Variants in AP1M1 observed in about 807,000 individuals in gnomAD.
AP1M1 encodes the protein adaptor related protein complex 1 subunit mu 1.
A neutral mutation model predicts 57.1 loss-of-function variants in AP1M1; 18 were observed. The observed-to-expected ratio is 0.32, with a 90% CI of 0.22 to 0.47. The LOEUF (loss-of-function observed/expected upper bound fraction) is 0.47, where lower values mean the gene tolerates loss of function less well. Ranked by LOEUF, AP1M1 falls within the 20% of genes least tolerant of loss-of-function variation. The probability of loss-of-function intolerance (pLI) is 1.00; values close to 1 mark genes in which losing one functional copy is unlikely to be tolerated. For synonymous variants in AP1M1, 241 were observed against 237.9 expected (o/e 1.01, Z -0.12); for missense variants, 362 against 593.5 (o/e 0.61, Z 4.05).
At position 16,218,011 on chromosome 19, in the gene AP1M1, T is replaced by TA. The variant is rs1226195167; in HGVS notation, c.547-8409dup. On this transcript the variant is annotated intron_variant, in intron 5 of 11. Coordinates refer to ENST00000291439, the MANE Select transcript of AP1M1 (RefSeq NM_032493.4). The stretch of plus-strand genomic sequence containing the variant: ...TGCCGTGGCAACACTTGGAAGTTAC[T>TA]ACCCTTTTTCATGGCAATGACCCAA... Among the ~76,000 whole-genome samples the TA allele has an allele frequency of 2.6e-5, 4 of 152,338 alleles. No individual in the cohort carries two copies. In the East Asian group the frequency reaches 7.7e-4, roughly 29 times the overall value.
In AP1M1 at chr19:16,228,341, C is replaced by A; in HGVS notation, c.888+133C>A. 1.1e-6 allele frequency: 1 copy of A among 935,392 alleles called. No homozygotes were observed. The highest frequency in any genetic ancestry group is 1.7e-6 in the Non-Finnish European group (1 of 605,076). The allele number at this position is 935,392 out of a possible 1,614,324, so 57.9% of individuals were successfully genotyped here. On this transcript the variant is annotated intron_variant, in intron 8 of 11. Transcript: ENST00000291439. This position sits in a 1 kb window ranked among gnomAD's most constrained non-coding sequence, Gnocchi z 5.0. ...ACTGTGGCCTCAGATGCAGGAGTGA[C>A]CTGACACTGAGGGGACACCGCCTGG...
At chr19:16,208,935 G>C in intron 4 of AP1M1, 95 bp from the exon 5 acceptor site, 1 of 1,481,316 alleles carries the variant, frequency 6.8e-7, no homozygotes, top group Non-Finnish European at 9.1e-7. Flanking sequence ...AACCTGCCCT[G>C]TACCCCCCAC....
At chr19:16,218,922 G>C (rs929882980) in intron 5 of AP1M1, among the ~76,000 whole-genome samples, 7 of 152,148 alleles carry the variant, frequency 4.6e-5, no homozygotes, top group African/African-American at 1.7e-4. Context: ...TGAGTGGTGA[G>C]AGCTGACATT....
At chr19:16,209,225 G>T in intron 5 of AP1M1, 48 bp downstream of exon 5, 1 of 1,599,502 alleles carries the variant, frequency 6.3e-7, no homozygotes, top group Non-Finnish European at 8.5e-7. Flanking sequence ...TCTCTTCCAC[G>T]ATAGAAATAA....
rs914153321 is a variant in AP1M1, at chr19:16,226,416, C to T, written c.547-5C>T. 17 of 1,530,612 alleles carry T rather than the reference C, an allele frequency of 1.1e-5. No homozygotes were observed. Among genetic ancestry groups the T allele is most frequent in the Non-Finnish European group, 1.5e-5 (17 of 1,135,850 alleles). 94.8% of individuals were successfully genotyped at this position (1,530,612 alleles called of 1,614,324 possible). Reference sequence around the variant, plus strand: ...CTCCCCTCACGCCCACACCGCCACCCCCAGGTCAGCGCCAACGGCAATGTC... The same window carrying T: ...CTCCCCTCACGCCCACACCGCCACCTCCAGGTCAGCGCCAACGGCAATGTC... On this transcript the variant is annotated splice_polypyrimidine_tract_variant and splice_region_variant and intron_variant, in intron 5 of 11. Coordinates refer to ENST00000291439, the MANE Select transcript of AP1M1 (RefSeq NM_032493.4).
chr19:16,226,382 G>A (rs776551598), intron 5 of AP1M1, 39 bp from the exon 6 acceptor site: 5 of 1,508,794 alleles, frequency 3.3e-6, no homozygotes, highest in South Asian at 2.4e-5. Flanking sequence ...TGGCTGGTGA[G>A]TTGGGGACCT....
intron 9 of AP1M1, among the ~76,000 whole-genome samples, chr19:16,233,219 G>T (rs2091606786): frequency 1.3e-5 from 2 of 152,244 alleles, no homozygotes; most frequent in African/African-American, 4.8e-5. Flanking sequence ...GACCACACTG[G>T]CAGGGGCTTG....
chr19:16,215,144 C>T (rs753246298), intron 5 of AP1M1, among the ~76,000 whole-genome samples: 56 of 134,102 alleles, frequency 4.2e-4, no homozygotes, highest in Non-Finnish European at 7.4e-4. Flanking sequence ...AATATATTGG[C>T]CAGGAGTGGT....
intron 5 of AP1M1, among the ~76,000 whole-genome samples, chr19:16,222,202 A>ATTTTTTTTTTTTT (rs1406563931): frequency 1.7e-5 from 1 of 57,626 alleles, no homozygotes; most frequent in Admixed American, 2.0e-4. Flanking sequence ...TATTACTATT[A>ATTTTTTTTTTTTT]TTATTATTAT....
In AP1M1 at chr19:16,207,351, G is replaced by A. The variant is rs150210574; in HGVS notation, c.268-668G>A. 9.2e-5 allele frequency among the ~76,000 whole-genome samples: 14 copies of A among 152,014 alleles called. No individual in the cohort carries two copies. The highest frequency in any genetic ancestry group is 8.3e-4 in the South Asian group (4 of 4,814). On this transcript the variant is annotated intron_variant, in intron 3 of 11. Transcript: ENST00000291439. This position sits in a 1 kb window ranked among gnomAD's most constrained non-coding sequence, Gnocchi z 4.2. The stretch of plus-strand genomic sequence containing the variant: ...GGCCAAGGGCTGCCTTCACTGGACC[G>A]GTGATGCTGTCACAGGCAGGGCTGG...
At position 16,237,330 on chromosome 19, in the gene AP1M1, A is replaced by T. The variant is rs1392696870; in HGVS notation, c.*2895A>T. On this transcript the variant is annotated 3_prime_UTR_variant, in exon 12 of 12. Coordinates refer to ENST00000291439, the MANE Select transcript of AP1M1 (RefSeq NM_032493.4). ...GTGCCTGTAATCCCAGCTACTCAGT[A>T]TGCTGAGGCAGGAGAATGGCTTGAA... 1 of 152,358 alleles carries T rather than the reference A, an allele frequency of 6.6e-6. No individual in the cohort carries two copies. The highest frequency in any genetic ancestry group is 2.4e-5 in the African/African-American group (1 of 41,458). 9.4% of individuals were successfully genotyped at this position (152,358 alleles called of 1,614,324 possible).
In AP1M1 at chr19:16,243,098, G is replaced by GA. The variant is rs1396014356; in HGVS notation, c.*8669dup. The stretch of plus-strand genomic sequence containing the variant: ...TAGACTTTAAAGCAAGAAAGCAAAA[G>GA]AAAAAATGTATTAGATCCCCGAGAA... On this transcript the variant is annotated 3_prime_UTR_variant, in exon 12 of 12. Transcript: ENST00000291439. The GA allele has an allele frequency of 2.6e-5, 4 of 151,854 alleles. No homozygotes were observed. The highest frequency in any genetic ancestry group is 4.4e-5 in the Non-Finnish European group (3 of 67,950). The allele number at this position is 151,854 out of a possible 1,614,324, so 9.4% of individuals were successfully genotyped here. A position where few individuals can be genotyped will look rare whatever the true frequency, so the allele number is the denominator to read the frequency against.
At chr19:16,200,788 C>T (rs556657040) in intron 1 of AP1M1, among the ~76,000 whole-genome samples, 12 of 152,344 alleles carry the variant, frequency 7.9e-5, no homozygotes, top group East Asian at 1.9e-4. Flanking sequence ...TGCTCCCTTC[C>T]GCTTCCAGGA....
rs1014305522 is a variant in AP1M1, at chr19:16,203,697, G to A, written c.199+82G>A. On this transcript the variant is annotated intron_variant, in intron 2 of 11. Transcript: ENST00000291439. This position sits in a 1 kb window ranked among gnomAD's most constrained non-coding sequence, Gnocchi z 4.6. ...GCATATCCACACGCCTGCAAGCAGG[G>A]CTGGTTTGTGCACAGCGCAAGCATT... The A allele has an allele frequency of 6.2e-6, 9 of 1,451,678 alleles. No individual in the cohort carries two copies. The highest frequency in any genetic ancestry group is 2.1e-5 in the Admixed American group (1 of 48,276). 89.9% of individuals were successfully genotyped at this position (1,451,678 alleles called of 1,614,324 possible). A position where few individuals can be genotyped will look rare whatever the true frequency, so the allele number is the denominator to read the frequency against.
In AP1M1 at chr19:16,234,803, G is replaced by A. The variant is rs1324180177; in HGVS notation, c.*368G>A. On this transcript the variant is annotated 3_prime_UTR_variant, in exon 12 of 12. Coordinates refer to ENST00000291439, the MANE Select transcript of AP1M1 (RefSeq NM_032493.4). ...AGCTGCAGGTGGCATCTGCCACGAA[G>A]GAAGCGCCAGCCTCGCCAGGCCAGC... 1 of 398,094 alleles carries A rather than the reference G, an allele frequency of 2.5e-6. No individual in the cohort carries two copies. The highest frequency in any genetic ancestry group is 4.4e-5 in the East Asian group (1 of 22,626). The allele number at this position is 398,094 out of a possible 1,614,324, so 24.7% of individuals were successfully genotyped here. A position where few individuals can be genotyped will look rare whatever the true frequency, so the allele number is the denominator to read the frequency against.
Position 16,209,373 on chromosome 19 carries a change from C to T in AP1M1, c.546+196C>T, listed in dbSNP as rs951794065. 9 of 557,542 alleles carry T rather than the reference C, an allele frequency of 1.6e-5. No individual in the cohort carries two copies. In the Admixed American group the frequency reaches 1.7e-4, roughly 11 times the overall value. The allele number at this position is 557,542 out of a possible 1,614,324, so 34.5% of individuals were successfully genotyped here. ...TGAGACGGAATCTCATTCTGTCGCC[C>T]AGGCTAGAGTGTGGTGACACGATCT... On this transcript the variant is annotated intron_variant, in intron 5 of 11. Transcript: ENST00000291439.
At chr19:16,204,955 C>CAA (rs1889607296) in intron 2 of AP1M1, among the ~76,000 whole-genome samples, 1 of 151,224 alleles carries the variant, frequency 6.6e-6, no homozygotes, top group Non-Finnish European at 1.5e-5. Context: ...CTCAGCCTCC[C>CAA]GAGTAGCTGG....
intron 5 of AP1M1, among the ~76,000 whole-genome samples, chr19:16,225,171 CAG>C (rs1247168283): frequency 6.6e-6 from 1 of 152,214 alleles, no homozygotes; most frequent in African/African-American, 2.4e-5. Flanking sequence ...CCAATTCCCT[CAG>C]AGGCGGCAAG....
intron 1 of AP1M1, among the ~76,000 whole-genome samples, chr19:16,201,040 A>G (rs959358676): frequency 6.6e-6 from 1 of 152,062 alleles, no homozygotes; most frequent in African/African-American, 2.4e-5. Context: ...TAAATTCAGC[A>G]TTCTTCTAAA....
Sources: allele counts gnomAD v4.1 joint callset (sites outside exome capture counted in the v4.1 genomes callset), GRCh38; gene constraint gnomAD v4.1.1; non-coding constraint Gnocchi (gnomAD v3.1); transcripts MANE v1.5; gene names NCBI Gene and HGNC (gene_info 2026-07-23, HGNC 2026-07-21).